The following EMP2 variants were observed in gnomAD, a reference collection of about 807,000 sequenced individuals.
EMP2 encodes the protein epithelial membrane protein 2.
In EMP2, 19 loss-of-function variants were observed where a neutral mutation model predicts 13.7. That is an observed-to-expected ratio of 1.38 (90% CI 0.97 to 2.03). EMP2 has a LOEUF of 2.03. Ranked by LOEUF, EMP2 falls within the 30% of genes most tolerant of loss-of-function variation. The pLI is 0.00. For missense variants in EMP2, 253 were observed against 220.7 expected (o/e 1.15, Z -0.93); for synonymous variants, 97 against 84.7 (o/e 1.15, Z -0.80).
At position 10,549,729 on chromosome 16, in the gene EMP2, T is replaced by TCACACACACA. The variant is rs71402494; in HGVS notation, c.-60-2062_-60-2053dup. Among the ~76,000 whole-genome samples the TCACACACACA allele has an allele frequency of 3.1e-3, 459 of 149,670 alleles. 3 individuals are homozygous for TCACACACACA. Among genetic ancestry groups the TCACACACACA allele is most frequent in the African/African-American group, 0.011 (442 of 40,896 alleles). The stretch of plus-strand genomic sequence containing the variant: ...GATTAATGCACGCACACACACACAC[T>TCACACACACA]CACACACACACACACACACATACAC... On this transcript the variant is annotated intron_variant, in intron 1 of 4. Transcript: ENST00000359543.
At chr16:10,578,975 G>C (rs952271215) in intron 1 of EMP2, among the ~76,000 whole-genome samples, 6 of 152,266 alleles carry the variant, frequency 3.9e-5, no homozygotes, top group African/African-American at 1.4e-4. Flanking sequence ...AAGAAGGGGA[G>C]GGCTTGGGAG....
chr16:10,543,134 C>G (rs1011044278), intron 3 of EMP2, among the ~76,000 whole-genome samples: 1 of 152,240 alleles, frequency 6.6e-6, no homozygotes, highest in Non-Finnish European at 1.5e-5. Context: ...GCATGAGCCA[C>G]TGAGCCCCGC....
In EMP2 at chr16:10,533,290, G is replaced by A. The variant is rs192329794; in HGVS notation, c.317-198C>T. Among the ~76,000 whole-genome samples the A allele has an allele frequency of 3.9e-3, 599 of 152,162 alleles. 7 individuals carry two copies. The highest frequency in any genetic ancestry group is 0.014 in the African/African-American group (577 of 41,512). On this transcript the variant is annotated intron_variant, in intron 4 of 4. Transcript: ENST00000359543. Reference sequence around the variant, plus strand: ...TGAGCTCAAGCAATCCTCCTGCCTCGGCCTCCCAAAGTGCTGGGATTACAG... The same window carrying A: ...TGAGCTCAAGCAATCCTCCTGCCTCAGCCTCCCAAAGTGCTGGGATTACAG...
At chr16:10,555,218 A>G (rs949465385) in intron 1 of EMP2, among the ~76,000 whole-genome samples, 12 of 152,208 alleles carry the variant, frequency 7.9e-5, no homozygotes, top group African/African-American at 2.9e-4. Context: ...TACTCCTCAG[A>G]ATGCCCACGA....
chr16:10,562,903 C>T (rs1198107206), intron 1 of EMP2, among the ~76,000 whole-genome samples: 1 of 152,178 alleles, frequency 6.6e-6, no homozygotes, highest in African/African-American at 2.4e-5. Flanking sequence ...CTGCTGGCTG[C>T]TGTCATCCAA....
At chr16:10,548,405 C>A (rs1391548246) in intron 1 of EMP2, among the ~76,000 whole-genome samples, 1 of 152,114 alleles carries the variant, frequency 6.6e-6, no homozygotes, top group African/African-American at 2.4e-5. Flanking sequence ...TAAAATTAAT[C>A]CCCAGCTGGG....
chr16:10,576,512 G>A (rs2050985077), intron 1 of EMP2: 1 of 151,698 alleles, frequency 6.6e-6, no homozygotes, highest in Admixed American at 6.6e-5. Flanking sequence ...CATGGTGATG[G>A]CGATTTTGCA....
intron 1 of EMP2, among the ~76,000 whole-genome samples, chr16:10,563,520 C>T (rs1386612142): frequency 6.6e-6 from 1 of 152,180 alleles, no homozygotes; most frequent in Non-Finnish European, 1.5e-5. Context: ...AGTGACAAGA[C>T]CTATCATTTT....
Position 10,547,644 on chromosome 16 carries a change from G to T in EMP2, c.-27C>A. 6.2e-7 allele frequency: 1 copy of T among 1,612,530 alleles called. No individual in the cohort carries two copies. The highest frequency in any genetic ancestry group is 1.1e-5 in the South Asian group (1 of 90,924). Reference sequence around the variant, plus strand: ...TTCACAGGGCAGGGCGAGTCGAGGCGAGGGGTCACGTTTAAAGCCCAGAGC... The same window carrying T: ...TTCACAGGGCAGGGCGAGTCGAGGCTAGGGGTCACGTTTAAAGCCCAGAGC... On this transcript the variant is annotated 5_prime_UTR_variant, in exon 2 of 5. Transcript: ENST00000359543.
At chr16:10,563,244 T>C (rs2050885058) in intron 1 of EMP2, among the ~76,000 whole-genome samples, 1 of 152,106 alleles carries the variant, frequency 6.6e-6, no homozygotes, top group African/African-American at 2.4e-5. Flanking sequence ...CAGGCTGGAG[T>C]GCAGTGGCAC....
intron 1 of EMP2, among the ~76,000 whole-genome samples, chr16:10,556,091 G>A (rs1207359861): frequency 6.6e-6 from 1 of 151,932 alleles, no homozygotes; most frequent in African/African-American, 2.4e-5. Context: ...ATCAATAATT[G>A]TCATTTACAT....
intron 1 of EMP2, among the ~76,000 whole-genome samples, chr16:10,573,621 T>C (rs1320630355): frequency 1.3e-5 from 2 of 152,222 alleles, no homozygotes; most frequent in Non-Finnish European, 2.9e-5. Context: ...AATGAGGGCA[T>C]TATTATTGAA....
chr16:10,543,064 T>A (rs1287050800), intron 3 of EMP2, among the ~76,000 whole-genome samples: 1 of 152,234 alleles, frequency 6.6e-6, no homozygotes, highest in Non-Finnish European at 1.5e-5. Flanking sequence ...CAGGCTGGTC[T>A]CAAACTCCTG....
At chr16:10,543,766 C>T (rs2050719216) in intron 2 of EMP2, 106 bp from the exon 3 acceptor site, 1 of 1,043,220 alleles carries the variant, frequency 9.6e-7, no homozygotes, top group Non-Finnish European at 1.5e-6. Flanking sequence ...TCTCAAACTG[C>T]AACACATGTG....
intron 1 of EMP2, among the ~76,000 whole-genome samples, chr16:10,558,033 T>TTG: frequency 7.1e-6 from 1 of 140,974 alleles, no homozygotes; most frequent in African/African-American, 2.8e-5. Flanking sequence ...AGTTTCAAGT[T>TTG]TTTTTTTTTT....
At position 10,556,785 on chromosome 16, in the gene EMP2, C is replaced by T. The variant is rs978652676; in HGVS notation, c.-60-9108G>A. On this transcript the variant is annotated intron_variant, in intron 1 of 4. Transcript: ENST00000359543. Reference sequence around the variant, plus strand: ...GGTCCTAATGGTTCTGGGTGATTTGCCAAAATTCACAGGACTGGAACTCAC... The same window carrying T: ...GGTCCTAATGGTTCTGGGTGATTTGTCAAAATTCACAGGACTGGAACTCAC... Among the ~76,000 whole-genome samples the T allele has an allele frequency of 7.9e-5, 12 of 152,178 alleles. No homozygotes were observed. The South Asian group carries it at 2.5e-3, about 31-fold the overall frequency.
intron 1 of EMP2, among the ~76,000 whole-genome samples, chr16:10,558,081 G>A (rs537545236): frequency 2.6e-5 from 4 of 151,510 alleles, no homozygotes; most frequent in South Asian, 2.1e-4. Context: ...CCAGGCTGGA[G>A]TGCAGTGGCT....
chr16:10,564,717 A>G (rs1340980640), intron 1 of EMP2, among the ~76,000 whole-genome samples: 6 of 152,008 alleles, frequency 3.9e-5, no homozygotes, highest in Non-Finnish European at 7.4e-5. Flanking sequence ...CTCAGAAAGG[A>G]AGCCACCAAA....
chr16:10,530,235 G>C lies in EMP2; in HGVS notation c.*2670C>G, dbSNP rs145497093. 2 of 152,234 alleles carry C rather than the reference G, an allele frequency of 1.3e-5. No homozygotes were observed. Among genetic ancestry groups the C allele is most frequent in the East Asian group, 1.9e-4 (1 of 5,196 alleles). 9.4% of individuals were successfully genotyped at this position (152,234 alleles called of 1,614,324 possible). A position where few individuals can be genotyped will look rare whatever the true frequency, so the allele number is the denominator to read the frequency against. ...TTCATGATGGCAGGGAGGATATCTG[G>C]ATTTGCTCACCCCTGTATTTTCAGA... On this transcript the variant is annotated 3_prime_UTR_variant, in exon 5 of 5. Coordinates refer to ENST00000359543, the MANE Select transcript of EMP2 (RefSeq NM_001424.6).
Sources: allele counts gnomAD v4.1 joint callset (sites outside exome capture counted in the v4.1 genomes callset), GRCh38; gene constraint gnomAD v4.1.1; transcripts MANE v1.5; gene names NCBI Gene and HGNC (gene_info 2026-07-23, HGNC 2026-07-21).